GFRA1: variants seen among roughly 807,000 people sequenced by gnomAD.
The protein encoded by GFRA1 is GDNF family receptor alpha 1.
In GFRA1, 16 loss-of-function variants were observed where a neutral mutation model predicts 51.6. The observed-to-expected ratio is 0.31, with a 90% CI of 0.21 to 0.47. The LOEUF (loss-of-function observed/expected upper bound fraction) is 0.47, where lower values mean the gene tolerates loss of function less well. Ranked by LOEUF, GFRA1 falls within the 20% of genes least tolerant of loss-of-function variation. The pLI is 1.00. For missense variants in GFRA1, 530 were observed against 594.3 expected (o/e 0.89, Z 1.13); for synonymous variants, 270 against 241.3 (o/e 1.12, Z -1.10).
chr10:116,081,431 C>T lies in GFRA1; in HGVS notation c.1197+8310G>A, dbSNP rs79902946. Among the ~76,000 whole-genome samples, 404 of 152,292 alleles carry T rather than the reference C, an allele frequency of 2.7e-3. 21 individuals carry two copies. In the East Asian group the frequency reaches 0.064, roughly 24 times the overall value. On this transcript the variant is annotated intron_variant, in intron 9 of 10. Coordinates refer to ENST00000355422, the MANE Select transcript of GFRA1 (RefSeq NM_005264.8). The stretch of plus-strand genomic sequence containing the variant: ...ATTTAGGGACTGATTTAATCTATAG[C>T]GATGAAAAATGTTACCCAGAAACGC...
At chr10:116,251,990 T>TTTTA (rs1968412064) in intron 4 of GFRA1, among the ~76,000 whole-genome samples, 3 of 111,868 alleles carry the variant, frequency 2.7e-5, no homozygotes, top group Admixed American at 9.9e-5. Flanking sequence ...TTTTTTTTTT[T>TTTTA]ACAATTACCA....
intron 5 of GFRA1, among the ~76,000 whole-genome samples, chr10:116,194,889 G>A: frequency 6.6e-6 from 1 of 152,134 alleles, no homozygotes. Flanking sequence ...CAGGAAAGAA[G>A]GCAGACAAGG....
At chr10:116,090,386 C>A (rs1031500571) in intron 8 of GFRA1, among the ~76,000 whole-genome samples, 1 of 145,192 alleles carries the variant, frequency 6.9e-6, no homozygotes. Flanking sequence ...GAGGCAATTC[C>A]GTGGCATTCA....
intron 4 of GFRA1, among the ~76,000 whole-genome samples, chr10:116,264,692 G>A (rs1436464165): frequency 6.6e-6 from 1 of 152,256 alleles, no homozygotes; most frequent in African/African-American, 2.4e-5. Flanking sequence ...GCACAGGAAA[G>A]TGAATGCACA....
chr10:116,105,062 C>A (rs562471753), intron 6 of GFRA1, among the ~76,000 whole-genome samples: 118 of 152,298 alleles, frequency 7.7e-4, no homozygotes, highest in Admixed American at 1.6e-3. Context: ...ATGCTATGTC[C>A]ATTCACACAG....
At chr10:116,121,087 T>C (rs984286353) in intron 6 of GFRA1, among the ~76,000 whole-genome samples, 8 of 152,198 alleles carry the variant, frequency 5.3e-5, no homozygotes, top group Non-Finnish European at 1.0e-4. Context: ...CTGAGGTACC[T>C]GAGCTGTTAA....
At chr10:116,190,132 G>A (rs144600147) in intron 5 of GFRA1, among the ~76,000 whole-genome samples, 3 of 152,312 alleles carry the variant, frequency 2.0e-5, no homozygotes, top group Non-Finnish European at 4.4e-5. Flanking sequence ...CCCACCGAAT[G>A]AGAAGCCATC....
At chr10:116,108,543 C>CTT (rs112083745) in intron 6 of GFRA1, among the ~76,000 whole-genome samples, 83 of 152,162 alleles carry the variant, frequency 5.5e-4, no homozygotes, top group African/African-American at 1.6e-3. Flanking sequence ...AATGTTTCTC[C>CTT]TTTTTTTATT....
intron 4 of GFRA1, among the ~76,000 whole-genome samples, chr10:116,258,767 G>A (rs1969085244): frequency 6.6e-6 from 1 of 152,142 alleles, no homozygotes; most frequent in African/African-American, 2.4e-5. Context: ...ACCAAATGGG[G>A]CTAAGAGTAC....
chr10:116,271,147 G>C, intron 2 of GFRA1, 32 bp from the exon 3 acceptor site: 2 of 1,571,638 alleles, frequency 1.3e-6, no homozygotes, highest in Non-Finnish European at 1.7e-6. Flanking sequence ...GCCTGAGTGC[G>C]GCGGGCGGGG....
rs3781534 is a variant in GFRA1 at position 116,160,891 on chromosome 10, A to C, written c.434-35334T>G. On this transcript the variant is annotated intron_variant, in intron 5 of 10. Transcript: ENST00000355422. ...AGGGCACCTGTCAATAACAACAATA[A>C]ATTCTTAATTCTTGGGTTACACGAT... Among the ~76,000 whole-genome samples, 3,960 of 152,236 alleles carry C rather than the reference A, an allele frequency of 0.026. 401 individuals are homozygous for C. The East Asian group carries it at 0.36, about 14-fold the overall frequency.
chr10:116,261,368 T>C (rs1397788011), intron 4 of GFRA1, among the ~76,000 whole-genome samples: 2 of 152,208 alleles, frequency 1.3e-5, no homozygotes, highest in Admixed American at 1.3e-4. Context: ...TCCTACTGCA[T>C]CTACAAATCC....
rs1017059182 is a variant in GFRA1 at position 116,058,442 on chromosome 10, G to A, written c.*5956C>T. The A allele has an allele frequency of 4.6e-5, 7 of 152,264 alleles. No homozygotes were observed. The highest frequency in any genetic ancestry group is 1.7e-4 in the African/African-American group (7 of 41,430). 9.4% of individuals were successfully genotyped at this position (152,264 alleles called of 1,614,324 possible). On this transcript the variant is annotated 3_prime_UTR_variant, in exon 11 of 11. Transcript: ENST00000355422. ...CCTGGCCAAGCTCATGGCCCTCTGA[G>A]GCCCAGAGGAGTGGCTGCCCAAGTG...
At chr10:116,157,372 G>A (rs138640611) in intron 5 of GFRA1, among the ~76,000 whole-genome samples, 344 of 152,242 alleles carry the variant, frequency 2.3e-3, no homozygotes, top group African/African-American at 7.9e-3. Context: ...ACTGCTGATC[G>A]CACCCTGTGG....
intron 4 of GFRA1, among the ~76,000 whole-genome samples, chr10:116,232,853 T>C (rs1249433760): frequency 6.6e-6 from 1 of 152,168 alleles, no homozygotes; most frequent in East Asian, 1.9e-4. Context: ...CAGAGATAAC[T>C]GCAGGGAAGC....
chr10:116,269,753 T>C (rs2134823050), intron 3 of GFRA1, among the ~76,000 whole-genome samples, 167 bp from the exon 4 acceptor site: 1 of 152,320 alleles, frequency 6.6e-6, no homozygotes, highest in Middle Eastern at 3.4e-3. Context: ...TTCTTTTCAT[T>C]CCCTCCGCCT....
At chr10:116,124,931 C>T (rs1002372378) in intron 6 of GFRA1, among the ~76,000 whole-genome samples, 1 of 152,184 alleles carries the variant, frequency 6.6e-6, no homozygotes, top group African/African-American at 2.4e-5. Flanking sequence ...GTGACCCTCT[C>T]ACCTGAGAGG....
At chr10:116,241,873 A>G (rs1000242026) in intron 4 of GFRA1, among the ~76,000 whole-genome samples, 5 of 152,198 alleles carry the variant, frequency 3.3e-5, no homozygotes, top group Non-Finnish European at 7.3e-5. Context: ...GGAAGGCAGC[A>G]CATAGTAGCC....
At chr10:116,199,101 G>C (rs1964130982) in intron 5 of GFRA1, among the ~76,000 whole-genome samples, 2 of 152,170 alleles carry the variant, frequency 1.3e-5, no homozygotes, top group Non-Finnish European at 2.9e-5. Flanking sequence ...AGCCTTCAGA[G>C]AGAGCATGGC....
Sources: allele counts gnomAD v4.1 joint callset (sites outside exome capture counted in the v4.1 genomes callset), GRCh38; gene constraint gnomAD v4.1.1; transcripts MANE v1.5; gene names NCBI Gene and HGNC (gene_info 2026-07-23, HGNC 2026-07-21).